Variants in EFCC1 observed in about 807,000 individuals in gnomAD.
EFCC1 encodes the protein EF-hand and coiled-coil domain-containing protein 1.
Under a neutral mutation model 52.1 loss-of-function variants are expected in EFCC1, and 50 were observed. The ratio of observed to expected loss-of-function variants is 0.96; its 90% CI spans 0.76 to 1.21. The LOEUF is 1.21. EFCC1 is among the 50% of genes most tolerant of loss of function. EFCC1 has a pLI of 0.00. For missense variants in EFCC1, 837 were observed against 867.3 expected (o/e 0.97, Z 0.44); for synonymous variants, 399 against 396.5 (o/e 1.01, Z -0.08).
chr3:129,028,947 GC>G (rs981185031), intron 2 of EFCC1, among the ~76,000 whole-genome samples: 1 of 152,156 alleles, frequency 6.6e-6, no homozygotes, highest in Non-Finnish European at 1.5e-5. Flanking sequence ...AGCCTCATTG[GC>G]TTTTTTAAAG....
At chr3:129,025,490 A>T (rs1256460025) in intron 2 of EFCC1, among the ~76,000 whole-genome samples, 4 of 152,206 alleles carry the variant, frequency 2.6e-5, no homozygotes, top group Non-Finnish European at 5.9e-5. Flanking sequence ...GGGTGATGTG[A>T]CGGGGACCAA....
intron 2 of EFCC1, chr3:129,030,470 C>T (rs181662180): frequency 3.3e-5 from 12 of 365,430 alleles, no homozygotes; most frequent in Non-Finnish European, 5.3e-5. Context: ...GATGAAAATC[C>T]GTTGCAGAAG....
rs1944762591 is a variant in EFCC1, at chr3:129,001,688, C to G, written c.60C>G (p.Tyr20Ter). The part of the protein sequence containing the change: ...AGMEGAGGDP[Y>*]RRPARRTQWL... ...TGGAGGGCGCGGGAGGTGACCCGTA[C>G]CGGCGACCTGCGCGGCGCACGCAGT... The change falls in exon 1 of 8, where the codon TAC (tyrosine) becomes TAG (stop). Residue 20 changes from tyrosine to a stop codon, truncating the protein, a stop_gained. Coordinates refer to ENST00000683648, the MANE Select transcript of EFCC1 (RefSeq NM_001377500.1). LOFTEE classifies it high-confidence loss of function. 1.3e-6 allele frequency: 2 copies of G among 1,487,108 alleles called. No individual in the cohort carries two copies. Among genetic ancestry groups the G allele is most frequent in the East Asian group, 5.5e-5 (2 of 36,590 alleles). 92.1% of individuals were successfully genotyped at this position (1,487,108 alleles called of 1,614,324 possible).
At chr3:129,018,263 C>T (rs540140783) in intron 2 of EFCC1, among the ~76,000 whole-genome samples, 20 of 152,310 alleles carry the variant, frequency 1.3e-4, no homozygotes, top group South Asian at 1.0e-3. Flanking sequence ...CAGAAGTCAT[C>T]AGTTAAATCC....
chr3:129,036,988 G>C lies in EFCC1; in HGVS notation c.1464G>C (p.Gln488His). The stretch of plus-strand genomic sequence containing the variant: ...CCTTCTCTTCCCAGGCAGAGTTGCA[G>C]CAGAAGGTGGAAGAGAATGAGCACC... The part of the protein sequence containing the change: ...LGTSEEEAEL[Q>H]QKVEENEHLR... Residue 488 changes from glutamine (Q) to histidine (H), a missense_variant, in exon 6 of 8, where the codon CAG becomes CAC. Physicochemically the swap from Gln to His is conservative, Grantham distance 24 (BLOSUM62 0). Transcript: ENST00000683648. 1 of 1,613,900 alleles carries C rather than the reference G, an allele frequency of 6.2e-7. No individual in the cohort carries two copies. The highest frequency in any genetic ancestry group is 8.5e-7 in the Non-Finnish European group (1 of 1,179,994).
intron 6 of EFCC1, among the ~76,000 whole-genome samples, chr3:129,038,065 A>C (rs1946378941): frequency 3.3e-5 from 1 of 30,610 alleles, no homozygotes; most frequent in Non-Finnish European, 5.3e-5. Flanking sequence ...CCTTATCTCA[A>C]AAAAAAAAAA....
At position 129,001,928 on chromosome 3, in the gene EFCC1, A is replaced by G; in HGVS notation, c.300A>G (p.Ala100=). The change falls in exon 1 of 8, where the codon GCA becomes GCG. Residue 100 remains alanine (A), a synonymous_variant. Transcript: ENST00000683648. ...AEGATTAGQA[A]GDGNSRDVTP... is the part of the protein sequence containing the mutation. ...GGGCCACCACGGCCGGGCAGGCAGCAGGTGACGGGAACTCCAGAGATGTGA... is the reference window on the plus strand; with the variant it reads ...GGGCCACCACGGCCGGGCAGGCAGCGGGTGACGGGAACTCCAGAGATGTGA... 6.5e-7 allele frequency: 1 copy of G among 1,539,928 alleles called. No homozygotes were observed. The highest frequency in any genetic ancestry group is 8.8e-7 in the Non-Finnish European group (1 of 1,141,684).
chr3:129,013,665 T>A (rs946660486), intron 2 of EFCC1, among the ~76,000 whole-genome samples: 15 of 152,226 alleles, frequency 9.9e-5, no homozygotes, highest in African/African-American at 3.4e-4. Context: ...ACCAGGGAAA[T>A]GGAGCATGCT....
At chr3:129,023,360 A>G (rs1252195892) in intron 2 of EFCC1, among the ~76,000 whole-genome samples, 1 of 141,646 alleles carries the variant, frequency 7.1e-6, no homozygotes, top group Admixed American at 7.5e-5. Context: ...TCAGTCACCC[A>G]GGCTAGAGTG....
At chr3:129,006,922 AGCCATGG>A (rs1368089086) in intron 2 of EFCC1, among the ~76,000 whole-genome samples, 1 of 152,256 alleles carries the variant, frequency 6.6e-6, no homozygotes, top group Non-Finnish European at 1.5e-5. Context: ...GAGACAGAAT[AGCCATGG>A]GCATTTATTG....
At position 129,034,198 on chromosome 3, in the gene EFCC1, T is replaced by G. The variant is rs1946326226; in HGVS notation, c.1321T>G (p.Tyr441Asp). 1 of 1,614,192 alleles carries G rather than the reference T, an allele frequency of 6.2e-7. No individual in the cohort carries two copies. Among genetic ancestry groups the G allele is most frequent in the Non-Finnish European group, 8.5e-7 (1 of 1,180,022 alleles). ...DDQTAEKLMT[Y>D]FGHFGGANHA... Reference sequence around the variant, plus strand: ...CCAGACGGCGGAGAAGCTCATGACTTACTTTGGTCACTTCGGCGGTGCCAA... The same window carrying G: ...CCAGACGGCGGAGAAGCTCATGACTGACTTTGGTCACTTCGGCGGTGCCAA... The change falls in exon 5 of 8, where the codon TAC becomes GAC. Residue 441 changes from tyrosine to aspartate, a missense_variant. Physicochemically the swap from Tyr to Asp is radical, Grantham distance 160. Coordinates refer to ENST00000683648, the MANE Select transcript of EFCC1 (RefSeq NM_001377500.1).
chr3:129,002,848 A>G (rs1944861247), intron 1 of EFCC1, among the ~76,000 whole-genome samples: 1 of 152,186 alleles, frequency 6.6e-6, no homozygotes, highest in Non-Finnish European at 1.5e-5. Context: ...CAAGTGAGAA[A>G]CAGACAATGT....
Position 129,023,249 on chromosome 3 carries a change from G to C in EFCC1, c.981-7454G>C, listed in dbSNP as rs557568608. 4.6e-5 allele frequency among the ~76,000 whole-genome samples: 7 copies of C among 151,592 alleles called. No homozygotes were observed. In the East Asian group the frequency reaches 1.4e-3, roughly 29 times the overall value. ...AGAGTTTGATTTCTTCACATACTAA[G>C]TTCGGCTTCAGATCATCACTCAAAG... On this transcript the variant is annotated intron_variant, in intron 2 of 7. Coordinates refer to ENST00000683648, the MANE Select transcript of EFCC1 (RefSeq NM_001377500.1).
intron 2 of EFCC1, among the ~76,000 whole-genome samples, chr3:129,030,256 G>A (rs1347880304): frequency 6.6e-6 from 1 of 152,132 alleles, no homozygotes; most frequent in Admixed American, 6.5e-5. Flanking sequence ...ATAATAAGAA[G>A]TACAGAGATG....
intron 2 of EFCC1, among the ~76,000 whole-genome samples, chr3:129,029,393 A>G (rs1439493411): frequency 2.0e-5 from 3 of 152,156 alleles, no homozygotes; most frequent in African/African-American, 7.2e-5. Context: ...CAAAGCCCAG[A>G]GAAGGGAGAT....
chr3:129,004,814 C>T (rs1030032277), intron 2 of EFCC1, among the ~76,000 whole-genome samples: 18 of 152,124 alleles, frequency 1.2e-4, no homozygotes, highest in African/African-American at 3.9e-4. Flanking sequence ...TAATGACTGC[C>T]TGTGCTAGCT....
At chr3:129,015,809 T>C (rs1459511651) in intron 2 of EFCC1, among the ~76,000 whole-genome samples, 5 of 145,194 alleles carry the variant, frequency 3.4e-5, no homozygotes, top group East Asian at 4.5e-4. Flanking sequence ...CTTCCTGCTG[T>C]TGTTCTCTTG....
intron 1 of EFCC1, among the ~76,000 whole-genome samples, chr3:129,003,527 TCGTGTCTCAGTTTCCTTCAGTGAAAAAA>T (rs1271840103): frequency 1.3e-5 from 2 of 150,532 alleles, no homozygotes; most frequent in Non-Finnish European, 3.0e-5. Context: ...AATACAGGCG[TCGTGTCTCAGTTTCCTTCAGTGAAAAAA>T]CGTTGGGGGG....
rs191587498 is a variant in EFCC1, at chr3:129,024,854, T to C, written c.981-5849T>C. 1.3e-4 allele frequency among the ~76,000 whole-genome samples: 20 copies of C among 152,302 alleles called. No individual in the cohort carries two copies. In the East Asian group the frequency reaches 3.1e-3, roughly 24 times the overall value. ...AACTTTGGGGGACACATTCAAACCA[T>C]AGCAGAGGGAGAGGTGAGTTCTGAG... On this transcript the variant is annotated intron_variant, in intron 2 of 7. Coordinates refer to ENST00000683648, the MANE Select transcript of EFCC1 (RefSeq NM_001377500.1).
Sources: allele counts gnomAD v4.1 joint callset (sites outside exome capture counted in the v4.1 genomes callset), GRCh38; gene constraint gnomAD v4.1.1; transcripts MANE v1.5; gene names NCBI Gene and HGNC (gene_info 2026-07-23, HGNC 2026-07-21).